The following CCNB3 variants were observed in gnomAD, a reference collection of about 807,000 sequenced individuals.
CCNB3 encodes cyclin B3, also known as G2/mitotic-specific cyclin-B3.
In CCNB3, 12 loss-of-function variants were observed where a neutral mutation model predicts 68.0. That is an observed-to-expected ratio of 0.18 (90% CI 0.11 to 0.29). CCNB3 has a LOEUF of 0.29. Ranked by LOEUF, CCNB3 falls within the 10% of genes least tolerant of loss-of-function variation. The probability of loss-of-function intolerance (pLI) is 1.00; values close to 1 mark genes in which losing one functional copy is unlikely to be tolerated. For missense variants in CCNB3, 904 were observed against 993.1 expected, an observed-to-expected ratio of 0.91 and a Z score of 1.21; for synonymous variants, 354 against 388.9, an observed-to-expected ratio of 0.91 and a Z score of 1.06.
At chrX:50,311,612 T>G (rs1465806499) in intron 6 of CCNB3, 116 bp downstream of exon 6, 98 of 570,078 alleles carry the variant, frequency 1.7e-4, no homozygotes, top group Middle Eastern at 4.1e-4. Flanking sequence ...TGTTGTTGTT[T>G]TTTTGCCTTC....
At chrX:50,345,907 G>A (rs782695500) in intron 9 of CCNB3, among the ~76,000 whole-genome samples, 4 of 112,437 alleles carry the variant, frequency 3.6e-5, no homozygotes, top group Non-Finnish European at 5.6e-5. Context: ...ATAGGGGAAA[G>A]GTGGGGGAAG....
At chrX:50,316,088 A>G (rs1921713663) in intron 8 of CCNB3, among the ~76,000 whole-genome samples, 1 of 111,267 alleles carries the variant, frequency 9.0e-6, no homozygotes, top group African/African-American at 3.3e-5. Flanking sequence ...AGGTAAGTGC[A>G]TCATGGGGGT....
chrX:50,318,342 G>A (rs1314521415), intron 8 of CCNB3, among the ~76,000 whole-genome samples: 3 of 110,121 alleles, frequency 2.7e-5, no homozygotes, highest in Non-Finnish European at 3.8e-5. Flanking sequence ...TGAAACCTCC[G>A]TCTCTACTAA....
At chrX:50,283,174 G>A (rs949476291) in intron 1 of CCNB3, among the ~76,000 whole-genome samples, 2 of 111,835 alleles carry the variant, frequency 1.8e-5, no homozygotes, top group Non-Finnish European at 3.8e-5. Context: ...AGGAAACTGA[G>A]GCTCAGAAAT....
chrX:50,328,898 C>A (rs1197786629), intron 8 of CCNB3, among the ~76,000 whole-genome samples: 1 of 112,467 alleles, frequency 8.9e-6, no homozygotes, highest in Non-Finnish European at 1.9e-5. Flanking sequence ...GTCTGAAACC[C>A]AGTAGGGTTT....
chrX:50,288,232 C>T (rs1272842536), intron 3 of CCNB3, among the ~76,000 whole-genome samples: 1 of 110,374 alleles, frequency 9.1e-6, no homozygotes, highest in East Asian at 2.8e-4. Flanking sequence ...ATTTGTCTTC[C>T]ATGAAACCAG....
Position 50,310,527 on chromosome X carries a change from G to A in CCNB3, c.2358G>A (p.Glu786=), listed in dbSNP as rs1164617305. The change falls in exon 6 of 13, where the codon GAG becomes GAA. Residue 786 remains glutamate (E), a synonymous_variant. Coordinates refer to ENST00000376042, the MANE Select transcript of CCNB3 (RefSeq NM_033031.3). ...EFLNKQPLAL[E]GYPSIAEGET... is the part of the protein sequence containing the mutation. ...TTAATAAGCAGCCACTGGCCTTGGA[G>A]GGGTATCCCAGCATTGCGGAGGGGG... 2 of 1,209,697 alleles carry A rather than the reference G, an allele frequency of 1.7e-6. No individual in the cohort carries two copies. The highest frequency in any genetic ancestry group is 3.5e-5 in the African/African-American group (2 of 57,465).
chrX:50,329,538 C>T (rs993460801), intron 8 of CCNB3, among the ~76,000 whole-genome samples: 1 of 112,734 alleles, frequency 8.9e-6, no homozygotes, highest in African/African-American at 3.2e-5. Flanking sequence ...TTCAGGGATG[C>T]GGGGAGCAGT....
intron 1 of CCNB3, among the ~76,000 whole-genome samples, chrX:50,227,772 A>G (rs1469141137): frequency 2.4e-5 from 2 of 84,768 alleles, no homozygotes; most frequent in South Asian, 5.3e-4. Flanking sequence ...ATAAATATAT[A>G]TAGAGAATAT....
intron 8 of CCNB3, among the ~76,000 whole-genome samples, chrX:50,324,190 G>A (rs1203186852): frequency 9.0e-6 from 1 of 111,189 alleles, no homozygotes; most frequent in Non-Finnish European, 1.9e-5. Context: ...GATTACAGGC[G>A]TGCGCCACTA....
chrX:50,207,474 A>G (rs1935387700), intron 1 of CCNB3, among the ~76,000 whole-genome samples: 1 of 112,070 alleles, frequency 8.9e-6, no homozygotes, highest in Non-Finnish European at 1.9e-5. Context: ...TGCTAAGGGT[A>G]GCACAGGTTC....
At chrX:50,218,347 C>T (rs1460426377) in intron 1 of CCNB3, among the ~76,000 whole-genome samples, 16 of 111,156 alleles carry the variant, frequency 1.4e-4, no homozygotes, top group African/African-American at 3.6e-4. Context: ...CTTGTTACAT[C>T]GGTATACATG....
intron 5 of CCNB3, among the ~76,000 whole-genome samples, chrX:50,301,410 G>T (rs1602215423): frequency 8.9e-6 from 1 of 112,111 alleles, no homozygotes; most frequent in Non-Finnish European, 1.9e-5. Context: ...TCCAGACCCT[G>T]TTTGCCTGGG....
chrX:50,350,574 T>A (rs1557220980), intron 11 of CCNB3, among the ~76,000 whole-genome samples: 7 of 111,654 alleles, frequency 6.3e-5, no homozygotes, highest in Non-Finnish European at 1.1e-4. Context: ...CACCTAAACT[T>A]TGTTCTGGGG....
intron 1 of CCNB3, among the ~76,000 whole-genome samples, chrX:50,226,283 A>ATATATATAGAATATATATATT (rs1935788337): frequency 4.6e-5 from 3 of 64,874 alleles, no homozygotes; most frequent in Non-Finnish European, 7.5e-5. Context: ...ATATATATTT[A>ATATATATAGAATATATATATT]TATATATAGA....
intron 9 of CCNB3, among the ~76,000 whole-genome samples, chrX:50,344,536 T>C (rs1293144894): frequency 8.9e-6 from 1 of 112,132 alleles, no homozygotes; most frequent in Non-Finnish European, 1.9e-5. Flanking sequence ...TGAAGATGTA[T>C]TATGTGGGCA....
intron 8 of CCNB3, among the ~76,000 whole-genome samples, chrX:50,317,663 A>G (rs782199579): frequency 9.1e-6 from 1 of 110,245 alleles, no homozygotes; most frequent in East Asian, 2.8e-4. Flanking sequence ...TCCGCCTCCC[A>G]GGTTCAAGCA....
intron 8 of CCNB3, among the ~76,000 whole-genome samples, chrX:50,339,148 C>T (rs1296116622): frequency 8.9e-6 from 1 of 112,435 alleles, no homozygotes; most frequent in Non-Finnish European, 1.9e-5. Flanking sequence ...TATTTTGCTT[C>T]CATGACACAG....
intron 1 of CCNB3, among the ~76,000 whole-genome samples, chrX:50,226,267 TA>T (rs1227579856): frequency 1.5e-5 from 1 of 66,707 alleles, no homozygotes. Context: ...TTTATATATA[TA>T]GAATATATAT....
Sources: gnomAD v4.1 joint callset for allele counts (sites outside exome capture counted in the v4.1 genomes callset) on GRCh38, gnomAD v4.1.1 for gene constraint, MANE v1.5 for transcripts, NCBI Gene and HGNC (gene_info 2026-07-23, HGNC 2026-07-21) for gene names.